Variants in MCC observed in about 807,000 individuals in gnomAD.
MCC encodes the protein MCC regulator of Wnt signaling pathway, also known as colorectal mutant cancer protein.
In MCC, 90 loss-of-function variants were observed where a neutral mutation model predicts 116.2. The ratio of observed to expected loss-of-function variants is 0.77; its 90% confidence interval spans 0.65 to 0.92. The LOEUF (loss-of-function observed/expected upper bound fraction) is 0.92, where lower values mean the gene tolerates loss of function less well. Among genes scored for constraint, MCC ranks in the 40% least tolerant of loss-of-function variants. MCC has a pLI of 0.00. For missense variants in MCC, 1,516 were observed against 1,312.2 expected (o/e 1.16, Z -2.40); for synonymous variants, 578 against 510.5 (o/e 1.13, Z -1.78).
chr5:113,289,026 T>A (rs1019144264), intron 3 of MCC, among the ~76,000 whole-genome samples: 2 of 151,888 alleles, frequency 1.3e-5, no homozygotes, highest in African/African-American at 4.8e-5. Flanking sequence ...TGCCAGGCAT[T>A]GGGAATTAAG....
At chr5:113,250,993 C>T (rs1036678567) in intron 3 of MCC, among the ~76,000 whole-genome samples, 9 of 152,228 alleles carry the variant, frequency 5.9e-5, no homozygotes, top group African/African-American at 2.2e-4. Flanking sequence ...TATACCTTTT[C>T]CTTACTGACT....
chr5:113,051,256 CCCCCA>C (rs1561755493), intron 15 of MCC, among the ~76,000 whole-genome samples: 3 of 152,142 alleles, frequency 2.0e-5, no homozygotes, highest in Non-Finnish European at 4.4e-5. Flanking sequence ...TCTCCCCCTA[CCCCCA>C]CCACCGAGGA....
chr5:113,136,878 G>T (rs1442534715), intron 5 of MCC, among the ~76,000 whole-genome samples: 5 of 152,088 alleles, frequency 3.3e-5, no homozygotes, highest in African/African-American at 4.8e-5. Context: ...CTCTAGCCAG[G>T]ACTTCCTGTT....
intron 1 of MCC, among the ~76,000 whole-genome samples, chr5:113,445,526 T>C (rs1353267163): frequency 6.6e-6 from 1 of 151,976 alleles, no homozygotes; most frequent in Non-Finnish European, 1.5e-5. Context: ...AAAATAGGAA[T>C]ACATCTAACC....
intron 16 of MCC, 45 bp from the exon 17 acceptor site, chr5:113,043,675 G>T (rs763678462): frequency 3.5e-6 from 5 of 1,434,224 alleles, no homozygotes; most frequent in Middle Eastern, 3.5e-4. Context: ...ATCCAAGCCG[G>T]CAGCACCCTG....
chr5:113,170,422 G>A (rs745925896), intron 3 of MCC, among the ~76,000 whole-genome samples: 3 of 152,114 alleles, frequency 2.0e-5, no homozygotes, highest in Non-Finnish European at 4.4e-5. Flanking sequence ...AACCACAACT[G>A]CATGAATGGT....
intron 6 of MCC, among the ~76,000 whole-genome samples, chr5:113,116,978 C>T (rs1757432709): frequency 6.6e-6 from 1 of 152,202 alleles, no homozygotes; most frequent in Non-Finnish European, 1.5e-5. Flanking sequence ...AGGGCTTGGC[C>T]TGTTACATGA....
chr5:113,466,464 G>C (rs919181289), intron 1 of MCC, among the ~76,000 whole-genome samples: 2 of 151,576 alleles, frequency 1.3e-5, no homozygotes, highest in Non-Finnish European at 2.9e-5. Flanking sequence ...ATAGTTTGCT[G>C]AGAATGATGG....
chr5:113,224,342 C>T (rs934834247), intron 3 of MCC, among the ~76,000 whole-genome samples: 1 of 152,206 alleles, frequency 6.6e-6, no homozygotes, highest in Admixed American at 6.5e-5. Flanking sequence ...ATCAGCCCGT[C>T]TCGGCCTCCC....
chr5:113,306,012 T>C lies in MCC; in HGVS notation c.627+34507A>G, dbSNP rs577853883. Among the ~76,000 whole-genome samples the C allele has an allele frequency of 2.6e-5, 4 of 152,330 alleles. No individual in the cohort carries two copies. The South Asian group carries it at 8.3e-4, about 32-fold the overall frequency. On this transcript the variant is annotated intron_variant, in intron 3 of 18. Transcript: ENST00000408903. The stretch of plus-strand genomic sequence containing the variant: ...CATATAAACAGAGTAAGACAATATG[T>C]GGCTCTTTGTATACGGCTTCTTTCA...
At chr5:113,413,975 T>C (rs2150404016) in intron 1 of MCC, among the ~76,000 whole-genome samples, 1 of 152,354 alleles carries the variant, frequency 6.6e-6, no homozygotes, top group African/African-American at 2.4e-5. Flanking sequence ...TGTTGTGTCT[T>C]TGTTCTCATT....
chr5:113,232,718 A>G (rs954506412), intron 3 of MCC, among the ~76,000 whole-genome samples: 1 of 152,198 alleles, frequency 6.6e-6, no homozygotes, highest in African/African-American at 2.4e-5. Flanking sequence ...CAAATTAAGT[A>G]TAATTAATAT....
intron 3 of MCC, among the ~76,000 whole-genome samples, chr5:113,163,653 A>G (rs1760624357): frequency 6.6e-6 from 1 of 152,194 alleles, no homozygotes; most frequent in South Asian, 2.1e-4. Flanking sequence ...TACCTGGCAC[A>G]TGGTAGAATT....
intron 8 of MCC, among the ~76,000 whole-genome samples, chr5:113,098,084 G>A (rs557736093): frequency 5.9e-5 from 9 of 152,330 alleles, no homozygotes; most frequent in African/African-American, 2.2e-4. Flanking sequence ...TTATGTGGCC[G>A]ATTTGTGTTC....
intron 8 of MCC, among the ~76,000 whole-genome samples, chr5:113,095,409 A>T (rs1328239640): frequency 6.6e-6 from 1 of 152,230 alleles, no homozygotes; most frequent in Non-Finnish European, 1.5e-5. Flanking sequence ...TAATAATAGT[A>T]CCTATCAGCT....
intron 2 of MCC, among the ~76,000 whole-genome samples, chr5:113,352,586 CT>C (rs1213036064): frequency 1.3e-5 from 2 of 152,104 alleles, no homozygotes; most frequent in African/African-American, 4.8e-5. Context: ...AGCTCACCAT[CT>C]GGTGGAAGGG....
At chr5:113,251,096 A>G (rs1296595092) in intron 3 of MCC, among the ~76,000 whole-genome samples, 2 of 152,180 alleles carry the variant, frequency 1.3e-5, no homozygotes, top group Admixed American at 6.5e-5. Context: ...TTTTCCACAC[A>G]TCGTAACTGT....
chr5:113,031,336 C>T (rs941682256), intron 17 of MCC, among the ~76,000 whole-genome samples: 4 of 152,128 alleles, frequency 2.6e-5, no homozygotes, highest in African/African-American at 7.2e-5. Context: ...CATTTCCTCC[C>T]GGCATTGGAG....
At chr5:113,110,303 CA>C (rs1433536192) in intron 6 of MCC, among the ~76,000 whole-genome samples, 1 of 152,210 alleles carries the variant, frequency 6.6e-6, no homozygotes, top group Non-Finnish European at 1.5e-5. Flanking sequence ...AGGCTGGGAG[CA>C]AACGGAGGCT....
Sources: allele counts gnomAD v4.1 joint callset (sites outside exome capture counted in the v4.1 genomes callset), GRCh38; gene constraint gnomAD v4.1.1; transcripts MANE v1.5; gene names NCBI Gene and HGNC (gene_info 2026-07-23, HGNC 2026-07-21).